The following KANSL2 variants were observed in gnomAD, a reference collection of about 807,000 sequenced individuals.
KANSL2 encodes the protein KAT8 regulatory NSL complex subunit 2.
KANSL2 carries 34 observed loss-of-function variants against 55.6 expected under a neutral mutation model. The observed-to-expected ratio is 0.61, with a 90% confidence interval of 0.46 to 0.81. The LOEUF (loss-of-function observed/expected upper bound fraction) is 0.81, where lower values mean the gene tolerates loss of function less well. KANSL2 is among the 40% of genes least tolerant of loss of function. The probability of loss-of-function intolerance (pLI) is 0.00; values close to 1 mark genes in which losing one functional copy is unlikely to be tolerated. For synonymous variants in KANSL2, 209 were observed against 214.3 expected (o/e 0.98, Z 0.22); for missense variants, 502 against 609.9 (o/e 0.82, Z 1.86).
chr12:48,674,321 TG>T (rs1430395302), intron 4 of KANSL2, among the ~76,000 whole-genome samples: 3 of 152,062 alleles, frequency 2.0e-5, no homozygotes, highest in African/African-American at 7.2e-5. Context: ...TTTTATTTTT[TG>T]TATTTTTAGT....
At chr12:48,672,377 G>GTA (rs998410049) in intron 4 of KANSL2, among the ~76,000 whole-genome samples, 59 of 127,460 alleles carry the variant, frequency 4.6e-4, no homozygotes, top group East Asian at 7.0e-4. Context: ...GTATATATAC[G>GTA]TATATATATA....
intron 4 of KANSL2, among the ~76,000 whole-genome samples, chr12:48,675,769 G>A (rs147978392): frequency 9.2e-5 from 14 of 152,208 alleles, no homozygotes; most frequent in East Asian, 1.9e-4. Flanking sequence ...AGATGAATGC[G>A]CCAGACTTTC....
chr12:48,664,903 T>TTTA (rs1387006355), intron 7 of KANSL2, among the ~76,000 whole-genome samples: 4 of 145,282 alleles, frequency 2.8e-5, no homozygotes, highest in African/African-American at 1.0e-4. Context: ...TTTTTTTTTT[T>TTTA]AGAGACAGGG....
In KANSL2 at chr12:48,653,214, G is replaced by C. The variant is rs1592094059; in HGVS notation, c.*830C>G. On this transcript the variant is annotated 3_prime_UTR_variant, in exon 10 of 10. Transcript: ENST00000420613. ...GAGGGTAAAAAGAAGAAAGATATTT[G>C]GAACTGATGGGCTTTAATAAGTCCT... is the stretch of plus-strand genomic sequence containing the variant. 1.3e-5 allele frequency among the ~76,000 whole-genome samples: 2 copies of C among 152,090 alleles called. No homozygotes were observed. Among genetic ancestry groups the C allele is most frequent in the East Asian group, 3.9e-4 (2 of 5,180 alleles).
At chr12:48,676,391 T>A (rs1413614489) in intron 4 of KANSL2, among the ~76,000 whole-genome samples, 1 of 152,056 alleles carries the variant, frequency 6.6e-6, no homozygotes, top group Non-Finnish European at 1.5e-5. Flanking sequence ...CTGGGCGCAC[T>A]GGTTCGTCCC....
intron 2 of KANSL2, 28 bp from the exon 3 acceptor site, chr12:48,679,861 TAAGTTCCTTCTTGA>T (rs1212618899): frequency 3.2e-6 from 5 of 1,540,098 alleles, no homozygotes; most frequent in Non-Finnish European, 4.4e-6. Context: ...TAATATTTTA[TAAGTTCCTTCTTGA>T]AAGCGTTCAA....
At chr12:48,659,277 G>C in intron 8 of KANSL2, among the ~76,000 whole-genome samples, 1 of 149,390 alleles carries the variant, frequency 6.7e-6, no homozygotes, top group East Asian at 2.0e-4. Context: ...TTGAACAACA[G>C]AACAAGACTC....
intron 7 of KANSL2, chr12:48,662,730 A>G: frequency 2.0e-6 from 2 of 988,690 alleles, no homozygotes; most frequent in South Asian, 1.6e-5. Context: ...AAAAGGAAAA[A>G]AAATACTTCC....
At position 48,682,224 on chromosome 12, in the gene KANSL2, T is replaced by C. The variant is rs1432195093; in HGVS notation, c.-47A>G. The C allele has an allele frequency of 3.1e-6, 2 of 641,652 alleles. No homozygotes were observed. Among genetic ancestry groups the C allele is most frequent in the Non-Finnish European group, 5.6e-6 (2 of 355,500 alleles). 39.7% of individuals were successfully genotyped at this position (641,652 alleles called of 1,614,324 possible). A position where few individuals can be genotyped will look rare whatever the true frequency, so the allele number is the denominator to read the frequency against. ...GCTGCGCCGCACTCTGCCGCGCCGC[T>C]CGCCCTTCTCTAGTGGCGCCAGCGG... On this transcript the variant is annotated 5_prime_UTR_variant, in exon 1 of 10. Transcript: ENST00000420613.
At position 48,679,822 on chromosome 12, in the gene KANSL2, CAGA is replaced by C; in HGVS notation, c.260_262del (p.Phe87del). Reference sequence around the variant, plus strand: ...GGCATTCCTACGGACATGTTCAGCACAGAAGGACACCCTGAAGAGACAAAACAT... The same window carrying C: ...GGCATTCCTACGGACATGTTCAGCACAGGACACCCTGAAGAGACAAAACAT... On this transcript the variant is annotated inframe_deletion, in exon 3 of 10. Coordinates refer to ENST00000420613, the MANE Select transcript of KANSL2 (RefSeq NM_017822.4). The C allele has an allele frequency of 1.2e-6, 2 of 1,602,078 alleles. No individual in the cohort carries two copies. Among genetic ancestry groups the C allele is most frequent in the Non-Finnish European group, 1.7e-6 (2 of 1,174,072 alleles).
chr12:48,665,375 T>A (rs1023157707), intron 7 of KANSL2, among the ~76,000 whole-genome samples: 2 of 151,946 alleles, frequency 1.3e-5, no homozygotes, highest in Non-Finnish European at 2.9e-5. Context: ...CCATCCTGGC[T>A]AACACGGTGA....
At chr12:48,654,649 C>G in intron 9 of KANSL2, 1 of 504,234 alleles carries the variant, frequency 2.0e-6, no homozygotes, top group Non-Finnish European at 3.8e-6. Context: ...TTGTCTCAAG[C>G]TTTTATTTAA....
In KANSL2 at chr12:48,672,043, TAA is replaced by T; in HGVS notation, c.546-83_546-82del. 3.3e-6 allele frequency: 4 copies of T among 1,201,816 alleles called. No homozygotes were observed. The South Asian group carries it at 5.4e-5, about 16-fold the overall frequency. The allele number at this position is 1,201,816 out of a possible 1,614,324, so 74.4% of individuals were successfully genotyped here. A position where few individuals can be genotyped will look rare whatever the true frequency, so the allele number is the denominator to read the frequency against. On this transcript the variant is annotated intron_variant, in intron 4 of 9. Transcript: ENST00000420613. ...GTTTGAAAGAGTAGAGATGTCAGAC[TAA>T]GTTTGTTATTTAACAAGTGGTGACA... is the stretch of plus-strand genomic sequence containing the variant.
intron 7 of KANSL2, among the ~76,000 whole-genome samples, chr12:48,665,984 G>A (rs770963873): frequency 2.6e-5 from 4 of 151,974 alleles, no homozygotes; most frequent in Non-Finnish European, 5.9e-5. Context: ...AGGCTGAGGC[G>A]GGAGGATCAC....
chr12:48,667,021 T>A (rs1474045786), intron 7 of KANSL2, among the ~76,000 whole-genome samples: 1 of 151,700 alleles, frequency 6.6e-6, no homozygotes, highest in Admixed American at 6.6e-5. Context: ...TCTCTACTAA[T>A]AATACAAACA....
At chr12:48,682,056 T>C (rs773901040) in intron 1 of KANSL2, 131 bp downstream of exon 1, 1 of 702,994 alleles carries the variant, frequency 1.4e-6, no homozygotes, top group South Asian at 1.5e-5. Flanking sequence ...AGATCCTGGC[T>C]CCTGGAAGCC....
intron 5 of KANSL2, among the ~76,000 whole-genome samples, chr12:48,669,687 T>C (rs889161937): frequency 2.6e-5 from 4 of 151,892 alleles, no homozygotes; most frequent in Non-Finnish European, 5.9e-5. Flanking sequence ...CCGGCTAATT[T>C]TTTTTTTGTA....
rs1939926719 is a variant in KANSL2 at position 48,681,611 on chromosome 12, C to T, written c.22G>A (p.Val8Ile). MNRIRIH[V>I]LPTNRGRITP... is the part of the protein sequence containing the mutation. ...ATCCTCCCCCGATTGGTTGGCAAGA[C>T]GTGAATCCGAATCCTGTTCATAACC... The change falls in exon 2 of 10, where the codon GTC becomes ATC. Residue 8 changes from valine to isoleucine, a missense_variant. Physicochemically the swap from Val to Ile is conservative, Grantham distance 29. Transcript: ENST00000420613. 2 of 1,613,892 alleles carry T rather than the reference C, an allele frequency of 1.2e-6. No homozygotes were observed. Among genetic ancestry groups the T allele is most frequent in the Non-Finnish European group, 1.7e-6 (2 of 1,179,906 alleles).
intron 7 of KANSL2, among the ~76,000 whole-genome samples, chr12:48,664,166 C>T (rs1411097607): frequency 1.3e-5 from 2 of 152,036 alleles, no homozygotes; most frequent in African/African-American, 4.8e-5. Flanking sequence ...CCACCCACCT[C>T]AGCCTCCCAA....
Sources: allele counts gnomAD v4.1 joint callset (sites outside exome capture counted in the v4.1 genomes callset), GRCh38; gene constraint gnomAD v4.1.1; transcripts MANE v1.5; gene names NCBI Gene and HGNC (gene_info 2026-07-23, HGNC 2026-07-21).